The following ADAMTS2 variants were observed in gnomAD, a reference collection of about 807,000 sequenced individuals.
The protein encoded by ADAMTS2 is A disintegrin and metalloproteinase with thrombospondin motifs 2.
In ADAMTS2, 50 loss-of-function variants were observed where a neutral mutation model predicts 123.0. The ratio of observed to expected loss-of-function variants is 0.41; its 90% confidence interval spans 0.32 to 0.51. The LOEUF (loss-of-function observed/expected upper bound fraction) is 0.51. Among genes scored for constraint, ADAMTS2 ranks in the 20% least tolerant of loss-of-function variants. The pLI is 0.35. For synonymous variants in ADAMTS2, 678 were observed against 695.4 expected (o/e 0.98, Z 0.39); for missense variants, 1,494 against 1,705.2 (o/e 0.88, Z 2.18).
rs772962675 is a variant in ADAMTS2, at chr5:179,133,844, G to A, written c.2086-944C>T. On this transcript the variant is annotated intron_variant, in intron 13 of 21. Coordinates refer to ENST00000251582, the MANE Select transcript of ADAMTS2 (RefSeq NM_014244.5). ...AGTGAGTCTCCTGCCTCAGCCTCCC[G>A]AGTCGCTGCCTGTAGTCCCAGCTAA... Among the ~76,000 whole-genome samples the A allele has an allele frequency of 5.7e-4, 86 of 151,108 alleles. No homozygotes were observed. In the Middle Eastern group the frequency reaches 0.01, roughly 18 times the overall value.
intron 3 of ADAMTS2, among the ~76,000 whole-genome samples, chr5:179,232,698 T>G (rs1765437325): frequency 6.6e-6 from 1 of 152,176 alleles, no homozygotes; most frequent in African/African-American, 2.4e-5. Flanking sequence ...TGCATCAGGA[T>G]GAGGATGAGT....
rs1755985328 is a variant in ADAMTS2 at position 179,285,174 on chromosome 5, G to A, written c.535-12110C>T. Among the ~76,000 whole-genome samples the A allele has an allele frequency of 6.6e-6, 1 of 152,196 alleles. No individual in the cohort carries two copies. The highest frequency in any genetic ancestry group is 1.9e-4 in the East Asian group (1 of 5,206). Reference sequence around the variant, plus strand: ...AAACGCGTAACAAAGGGTCAGCAGTGTTACGATCGGGGGTGAGTTTCACTT... The same window carrying A: ...AAACGCGTAACAAAGGGTCAGCAGTATTACGATCGGGGGTGAGTTTCACTT... On this transcript the variant is annotated intron_variant, in intron 2 of 21. Coordinates refer to ENST00000251582, the MANE Select transcript of ADAMTS2 (RefSeq NM_014244.5). This position sits in a 1 kb window ranked among gnomAD's most constrained non-coding sequence, Gnocchi z 4.9.
chr5:179,138,024 A>AG, intron 11 of ADAMTS2, 80 bp from the exon 12 acceptor site: 1 of 1,474,544 alleles, frequency 6.8e-7, no homozygotes, highest in Non-Finnish European at 9.2e-7. Flanking sequence ...AGATCTTTTT[A>AG]GGGGGGATCC....
chr5:179,229,373 A>AGGTCAGTGGCATC (rs1765357799), intron 3 of ADAMTS2, among the ~76,000 whole-genome samples: 2 of 42,240 alleles, frequency 4.7e-5, no homozygotes, highest in South Asian at 9.8e-4. Flanking sequence ...AGGTAATTCC[A>AGGTCAGTGGCATC]CAAACACGAG....
intron 20 of ADAMTS2, among the ~76,000 whole-genome samples, chr5:179,122,150 G>A (rs1762774871): frequency 6.6e-6 from 1 of 152,162 alleles, no homozygotes; most frequent in South Asian, 2.1e-4. Flanking sequence ...CTGGGGGCAG[G>A]TGCCTAGACC....
Position 179,308,776 on chromosome 5 carries a change from G to T in ADAMTS2, c.534+34991C>A, listed in dbSNP as rs1756746170. ...GCCATGGAACCCCACCCTCCTGCAG[G>T]TTCCTGGCCCCTCTGCCTCCTCTTC... On this transcript the variant is annotated intron_variant, in intron 2 of 21. Transcript: ENST00000251582. The surrounding 1 kb of genome is among the most constrained non-coding windows in gnomAD (Gnocchi z 6.6). 6.6e-6 allele frequency among the ~76,000 whole-genome samples: 1 copy of T among 152,144 alleles called. No homozygotes were observed. The highest frequency in any genetic ancestry group is 2.4e-5 in the African/African-American group (1 of 41,452).
intron 3 of ADAMTS2, among the ~76,000 whole-genome samples, chr5:179,240,932 C>T (rs746637872): frequency 8.5e-5 from 13 of 152,136 alleles, no homozygotes; most frequent in Non-Finnish European, 1.6e-4. Context: ...CTATGGATGC[C>T]GCAGAAGACA....
intron 2 of ADAMTS2, among the ~76,000 whole-genome samples, chr5:179,315,044 C>T (rs543146419): frequency 1.3e-5 from 2 of 150,900 alleles, no homozygotes; most frequent in African/African-American, 2.4e-5. Flanking sequence ...ACCCACCCCC[C>T]CCACAATCCC....
intron 2 of ADAMTS2, among the ~76,000 whole-genome samples, chr5:179,292,436 G>A (rs1174814290): frequency 6.6e-6 from 1 of 151,880 alleles, no homozygotes; most frequent in Non-Finnish European, 1.5e-5. Context: ...GCAGTAACGA[G>A]GGTCTCTGCA....
intron 2 of ADAMTS2, among the ~76,000 whole-genome samples, chr5:179,336,562 T>G (rs963800576): frequency 1.3e-5 from 2 of 151,740 alleles, no homozygotes; most frequent in Non-Finnish European, 2.9e-5. Context: ...TAAATGGGAG[T>G]GTCTCCTCTT....
chr5:179,264,051 C>T (rs997754811), intron 3 of ADAMTS2, among the ~76,000 whole-genome samples: 6 of 152,186 alleles, frequency 3.9e-5, no homozygotes, highest in Non-Finnish European at 8.8e-5. Context: ...ACCTCGGACC[C>T]AAATGCAGTT....
chr5:179,274,698 T>G (rs1561670448), intron 2 of ADAMTS2, among the ~76,000 whole-genome samples: 1 of 152,152 alleles, frequency 6.6e-6, no homozygotes, highest in Non-Finnish European at 1.5e-5. Context: ...CGAGATGCAG[T>G]CAGTGCCCCC....
In ADAMTS2 at chr5:179,234,518, G is replaced by T. The variant is rs6897842; in HGVS notation, c.689-26803C>A. Among the ~76,000 whole-genome samples the T allele has an allele frequency of 3.0e-5, 4 of 131,184 alleles. No homozygotes were observed. The highest frequency in any genetic ancestry group is 4.8e-5 in the Non-Finnish European group (3 of 62,046). 86.1% of individuals were successfully genotyped at this position (131,184 alleles called of 152,430 possible). A position where few individuals can be genotyped will look rare whatever the true frequency, so the allele number is the denominator to read the frequency against. The stretch of plus-strand genomic sequence containing the variant: ...ATGGACCTGCTGACAGGTGCCCCCC[G>T]ACCCACCTCCAGCCTGCACCTCCCC... On this transcript the variant is annotated intron_variant, in intron 3 of 21. Transcript: ENST00000251582. This position sits in a 1 kb window ranked among gnomAD's most constrained non-coding sequence, Gnocchi z 4.7.
At chr5:179,131,373 T>A (rs1762958826) in intron 15 of ADAMTS2, among the ~76,000 whole-genome samples, 1 of 147,124 alleles carries the variant, frequency 6.8e-6, no homozygotes, top group African/African-American at 2.5e-5. Flanking sequence ...AGATCCTGTC[T>A]CTAAATAAAA....
chr5:179,229,326 CA>C (rs1765356206), intron 3 of ADAMTS2, among the ~76,000 whole-genome samples: 1 of 104,434 alleles, frequency 9.6e-6, no homozygotes, highest in African/African-American at 3.2e-5. Flanking sequence ...CTGCCCACTC[CA>C]CAAACATGAG....
intron 3 of ADAMTS2, among the ~76,000 whole-genome samples, chr5:179,216,623 C>T (rs987520327): frequency 4.6e-5 from 7 of 152,208 alleles, no homozygotes; most frequent in South Asian, 2.1e-4. Flanking sequence ...TGTCAGTTCC[C>T]GGAGAAGCAG....
chr5:179,204,388 C>A (rs1054933268), intron 4 of ADAMTS2, among the ~76,000 whole-genome samples: 1 of 152,206 alleles, frequency 6.6e-6, no homozygotes, highest in South Asian at 2.1e-4. Context: ...AATTAAAATT[C>A]TCTTGGAACA....
rs372249513 is a variant in ADAMTS2, at chr5:179,188,385, AAG to A, written c.892-7232_892-7231del. Among the ~76,000 whole-genome samples the A allele has an allele frequency of 3.6e-4, 55 of 152,266 alleles. No individual in the cohort carries two copies. The South Asian group carries it at 0.011, about 30-fold the overall frequency. ...TTGGACCACCAGGATGGAGGCAGAG[AAG>A]AGAGTGCAGCCAGGAGCAGGGGACA... On this transcript the variant is annotated intron_variant, in intron 4 of 21. Transcript: ENST00000251582. The surrounding 1 kb of genome is among the most constrained non-coding windows in gnomAD (Gnocchi z 5.1).
In ADAMTS2 at chr5:179,129,649, G is replaced by A. The variant is rs1247663614; in HGVS notation, c.2457+283C>T. Reference sequence around the variant, plus strand: ...AACAGCACACTCGAACGAGCATGCTGATGGCAGCTGTGAATGTCATTCAGA... The same window carrying A: ...AACAGCACACTCGAACGAGCATGCTAATGGCAGCTGTGAATGTCATTCAGA... On this transcript the variant is annotated intron_variant, in intron 16 of 21. Coordinates refer to ENST00000251582, the MANE Select transcript of ADAMTS2 (RefSeq NM_014244.5). This position sits in a 1 kb window ranked among gnomAD's most constrained non-coding sequence, Gnocchi z 4.1. Among the ~76,000 whole-genome samples, 1 of 152,174 alleles carries A rather than the reference G, an allele frequency of 6.6e-6. No homozygotes were observed. Among genetic ancestry groups the A allele is most frequent in the Admixed American group, 6.5e-5 (1 of 15,280 alleles).
Sources: allele counts gnomAD v4.1 joint callset (sites outside exome capture counted in the v4.1 genomes callset), GRCh38; gene constraint gnomAD v4.1.1; non-coding constraint Gnocchi (gnomAD v3.1); transcripts MANE v1.5; gene names NCBI Gene and HGNC (gene_info 2026-07-23, HGNC 2026-07-21).